ASAP1: variants seen among roughly 807,000 people sequenced by gnomAD.
The protein encoded by ASAP1 is ArfGAP with SH3 domain, ankyrin repeat and PH domain 1.
A neutral mutation model predicts 145.2 loss-of-function variants in ASAP1; 43 were observed. That is an observed-to-expected ratio of 0.30 (90% CI 0.23 to 0.38). ASAP1 has a LOEUF of 0.38. Ranked by LOEUF, ASAP1 falls within the 10% of genes least tolerant of loss-of-function variation. ASAP1 has a pLI of 1.00. For missense variants in ASAP1, 1,018 were observed against 1,355.3 expected (o/e 0.75, Z 3.91); for synonymous variants, 546 against 515.5 (o/e 1.06, Z -0.80).
At chr8:130,262,123 G>A (rs1252811482) in intron 3 of ASAP1, among the ~76,000 whole-genome samples, 2 of 151,800 alleles carry the variant, frequency 1.3e-5, no homozygotes, top group Admixed American at 6.6e-5. Flanking sequence ...CCGGCTGGGC[G>A]CGGTGGCTCA....
intron 5 of ASAP1, among the ~76,000 whole-genome samples, chr8:130,191,042 G>A (rs1051812378): frequency 5.7e-5 from 7 of 123,554 alleles, no homozygotes; most frequent in Non-Finnish European, 8.4e-5. Context: ...TCTATAACCG[G>A]GAAATAGTTT....
chr8:130,367,150 A>G (rs1173582162), intron 2 of ASAP1, among the ~76,000 whole-genome samples: 7 of 151,884 alleles, frequency 4.6e-5, no homozygotes, highest in Non-Finnish European at 1.0e-4. Context: ...TCGGCCTCCC[A>G]AAGTGCTGGG....
intron 3 of ASAP1, among the ~76,000 whole-genome samples, chr8:130,277,814 T>C (rs923871045): frequency 2.0e-5 from 3 of 152,214 alleles, no homozygotes; most frequent in African/African-American, 7.2e-5. Flanking sequence ...ATTGTGTCTG[T>C]TGACGAAGGG....
In ASAP1 at chr8:130,099,135, T is replaced by G. The variant is rs2097524188; in HGVS notation, c.2402-6992A>C. Among the ~76,000 whole-genome samples, 3 of 151,372 alleles carry G rather than the reference T, an allele frequency of 2.0e-5. No homozygotes were observed. The South Asian group carries it at 6.3e-4, about 32-fold the overall frequency. ...TGGAAGTGATCCTCCTACCTCAGTC[T>G]GCCCAGTAGCTGGGACTATACGTGT... On this transcript the variant is annotated intron_variant, in intron 24 of 29. Transcript: ENST00000518721.
At chr8:130,067,690 C>T (rs1025473370) in intron 27 of ASAP1, among the ~76,000 whole-genome samples, 3 of 152,162 alleles carry the variant, frequency 2.0e-5, no homozygotes, top group East Asian at 3.8e-4. Flanking sequence ...TGTGAGCCAC[C>T]GTGCCCAGCC....
intron 1 of ASAP1, among the ~76,000 whole-genome samples, chr8:130,421,075 A>G (rs1405362937): frequency 6.6e-6 from 1 of 152,152 alleles, no homozygotes; most frequent in East Asian, 1.9e-4. Context: ...TCTCAGCTCC[A>G]TCCCTTACTA....
At chr8:130,389,121 G>A (rs72724472) in intron 2 of ASAP1, among the ~76,000 whole-genome samples, 7,892 of 152,290 alleles carry the variant, frequency 0.052, 244 homozygotes, top group Middle Eastern at 0.12. Flanking sequence ...TATTAGTATT[G>A]TTGTTGCTGC....
chr8:130,394,452 G>A (rs1828430966), intron 2 of ASAP1, among the ~76,000 whole-genome samples: 1 of 152,104 alleles, frequency 6.6e-6, no homozygotes, highest in African/African-American at 2.4e-5. Flanking sequence ...TCTCAAACAT[G>A]TTATCAATGA....
chr8:130,236,139 T>C lies in ASAP1; in HGVS notation c.259+783A>G, dbSNP rs61360310. 6.3e-4 allele frequency among the ~76,000 whole-genome samples: 96 copies of C among 152,260 alleles called. 3 individuals are homozygous for C. The East Asian group carries it at 0.015, about 25-fold the overall frequency. On this transcript the variant is annotated intron_variant, in intron 4 of 29. Transcript: ENST00000518721. ...CTCTTTCTATTATAGTCTGCTGCCT[T>C]CCCTTCCAGGTTTTCTGTTAAGTTA...
chr8:130,431,311 C>T (rs930859051), intron 1 of ASAP1, among the ~76,000 whole-genome samples: 2 of 152,182 alleles, frequency 1.3e-5, no homozygotes, highest in Admixed American at 6.5e-5. Flanking sequence ...TCACATGACC[C>T]CCCTGCCTTA....
At chr8:130,345,933 A>G (rs904237109) in intron 3 of ASAP1, among the ~76,000 whole-genome samples, 1 of 152,224 alleles carries the variant, frequency 6.6e-6, no homozygotes, top group Non-Finnish European at 1.5e-5. Flanking sequence ...CAGGTCTGCT[A>G]AGCATCTGCA....
intron 3 of ASAP1, among the ~76,000 whole-genome samples, chr8:130,318,908 C>A (rs1170560698): frequency 6.6e-6 from 1 of 152,184 alleles, no homozygotes; most frequent in Non-Finnish European, 1.5e-5. Flanking sequence ...CACTGCAACA[C>A]TGCCCTACTA....
At chr8:130,356,305 A>G (rs1197223803) in intron 3 of ASAP1, among the ~76,000 whole-genome samples, 1 of 152,198 alleles carries the variant, frequency 6.6e-6, no homozygotes, top group East Asian at 1.9e-4. Context: ...TGGCAGCTCT[A>G]TTAGGAGGCA....
At chr8:130,091,814 A>G (rs1359126143) in intron 25 of ASAP1, among the ~76,000 whole-genome samples, 159 bp downstream of exon 25, 8 of 152,208 alleles carry the variant, frequency 5.3e-5, no homozygotes, top group Admixed American at 4.6e-4. Flanking sequence ...CCTTTCCCTT[A>G]AGAGACAGGT....
At chr8:130,276,720 A>T (rs1305980026) in intron 3 of ASAP1, among the ~76,000 whole-genome samples, 270 of 117,394 alleles carry the variant, frequency 2.3e-3, no homozygotes, top group African/African-American at 7.9e-3. Flanking sequence ...ACACACACAC[A>T]CACACACACT....
chr8:130,358,667 G>A lies in ASAP1; in HGVS notation c.60-524C>T, dbSNP rs1359323847. Among the ~76,000 whole-genome samples the A allele has an allele frequency of 2.7e-5, 4 of 146,528 alleles. No homozygotes were observed. Among genetic ancestry groups the A allele is most frequent in the South Asian group, 2.1e-4 (1 of 4,820 alleles). ...TGCAGTCACGGGGCCAAACAAGGAA[G>A]TGCTCTGCGCACGCGCGCCGCCCCC... On this transcript the variant is annotated intron_variant, in intron 2 of 29. Transcript: ENST00000518721. This position sits in a 1 kb window ranked among gnomAD's most constrained non-coding sequence, Gnocchi z 4.1.
chr8:130,186,207 C>T (rs964346602), intron 7 of ASAP1, among the ~76,000 whole-genome samples: 2 of 152,098 alleles, frequency 1.3e-5, no homozygotes, highest in African/African-American at 4.8e-5. Flanking sequence ...TATCAGTTGA[C>T]CATTTTAAGA....
intron 26 of ASAP1, 44 bp from the exon 27 acceptor site, chr8:130,076,450 A>G (rs2097462503): frequency 2.4e-6 from 3 of 1,263,450 alleles, no homozygotes; most frequent in Admixed American, 1.9e-5. Context: ...AAGTGCTAGA[A>G]TATCAATAGC....
In ASAP1 at chr8:130,072,830, C is replaced by CGCGCGCGCACGCGCG. The variant is rs1448184178; in HGVS notation, c.2701+3517_2701+3518insCGCGCGTGCGCGCGC. Among the ~76,000 whole-genome samples the CGCGCGCGCACGCGCG allele has an allele frequency of 2.1e-3, 68 of 31,922 alleles. 4 individuals carry two copies. The highest frequency in any genetic ancestry group is 0.016 in the East Asian group (10 of 626). The allele number at this position is 31,922 out of a possible 152,430, so 20.9% of individuals were successfully genotyped here. On this transcript the variant is annotated intron_variant, in intron 27 of 29. Coordinates refer to ENST00000518721, the MANE Select transcript of ASAP1 (RefSeq NM_018482.4). ...GTGTGTGTGTGTGTGTGTGTGCGCG[C>CGCGCGCGCACGCGCG]GGGGGGGGGCAGTTTTGGGGACTGA... is the stretch of plus-strand genomic sequence containing the variant.
Sources: gnomAD v4.1 joint callset for allele counts (sites outside exome capture counted in the v4.1 genomes callset) on GRCh38, gnomAD v4.1.1 for gene constraint, Gnocchi (gnomAD v3.1) non-coding constraint, MANE v1.5 for transcripts, NCBI Gene and HGNC (gene_info 2026-07-23, HGNC 2026-07-21) for gene names.